Variants in CAST observed in about 807,000 individuals in gnomAD.
The protein encoded by CAST is calpastatin, also known as MIR583 host.
Under a neutral mutation model 119.6 loss-of-function variants are expected in CAST, and 76 were observed. That is an observed-to-expected ratio of 0.64 (90% CI 0.53 to 0.77). The LOEUF (loss-of-function observed/expected upper bound fraction) is 0.77, where lower values mean the gene tolerates loss of function less well. Among genes scored for constraint, CAST ranks in the 30% least tolerant of loss-of-function variants. The probability of loss-of-function intolerance (pLI) is 0.00; values close to 1 mark genes in which losing one functional copy is unlikely to be tolerated. For missense variants in CAST, 953 were observed against 946.5 expected (o/e 1.01, Z -0.09); for synonymous variants, 319 against 331.6 (o/e 0.96, Z 0.41).
chr5:96,002,111 T>G, the CAST span, among the ~76,000 whole-genome samples: 1 of 152,230 alleles, frequency 6.6e-6, no homozygotes, highest in Non-Finnish European at 1.5e-5. Context: ...TAATCTTTAT[T>G]TGGCAAATGT....
chr5:96,381,521 ACCT>A, the CAST span, among the ~76,000 whole-genome samples: 1 of 152,158 alleles, frequency 6.6e-6, no homozygotes. Flanking sequence ...GATTAGGATG[ACCT>A]CCTGATCTGA....
intron 2 of CAST, among the ~76,000 whole-genome samples, chr5:96,695,430 TTC>T (rs1753168491): frequency 6.6e-6 from 1 of 152,210 alleles, no homozygotes; most frequent in African/African-American, 2.4e-5. Context: ...ACTTTTTCTC[TTC>T]TCTTATTTCC....
chr5:96,478,581 AT>A, the CAST span, among the ~76,000 whole-genome samples: 1 of 152,222 alleles, frequency 6.6e-6, no homozygotes, highest in Non-Finnish European at 1.5e-5. Flanking sequence ...CTGTTGGTTA[AT>A]TATTTGGCTG....
chr5:95,984,350 A>G, the CAST span, among the ~76,000 whole-genome samples: 1 of 152,176 alleles, frequency 6.6e-6, no homozygotes, highest in Non-Finnish European at 1.5e-5. Context: ...CTTTTAGGTC[A>G]GTTAGTATTT....
chr5:95,981,489 C>T, the CAST span, among the ~76,000 whole-genome samples: 2 of 152,182 alleles, frequency 1.3e-5, no homozygotes, highest in African/African-American at 4.8e-5. Flanking sequence ...AATGCAGATT[C>T]TAATTTAGTA....
the CAST span, among the ~76,000 whole-genome samples, chr5:96,397,726 A>T: frequency 2.0e-5 from 3 of 152,208 alleles, no homozygotes; most frequent in African/African-American, 7.2e-5. Flanking sequence ...ATAATGAATG[A>T]ATGAATGAAA....
chr5:96,030,218 A>G, the CAST span, among the ~76,000 whole-genome samples: 1 of 152,332 alleles, frequency 6.6e-6, no homozygotes, highest in Admixed American at 6.5e-5. Flanking sequence ...AGAAATGTGA[A>G]ACCAACAGCC....
chr5:96,724,212 C>T (rs989537841), intron 4 of CAST, among the ~76,000 whole-genome samples: 9 of 151,438 alleles, frequency 5.9e-5, no homozygotes, highest in South Asian at 2.1e-4. Context: ...GGCAGGGTCT[C>T]GCTCTGTCTT....
the CAST span, among the ~76,000 whole-genome samples, chr5:96,020,874 A>G: frequency 8.5e-6 from 1 of 117,642 alleles, no homozygotes; most frequent in East Asian, 2.9e-4. Flanking sequence ...TCTTCCATGA[A>G]ACTGGTCCCT....
At chr5:96,095,907 A>G in the CAST span, among the ~76,000 whole-genome samples, 3 of 152,234 alleles carry the variant, frequency 2.0e-5, no homozygotes, top group Non-Finnish European at 2.9e-5. Context: ...TAACAGAAAA[A>G]AGCAGTTGTT....
the CAST span, chr5:95,970,094 C>T: frequency 6.6e-6 from 1 of 152,188 alleles, no homozygotes; most frequent in South Asian, 2.1e-4. Context: ...CTAGTGATAA[C>T]ATCACTCTAA....
the CAST span, among the ~76,000 whole-genome samples, chr5:96,027,304 T>A: frequency 6.6e-6 from 1 of 152,306 alleles, no homozygotes; most frequent in East Asian, 1.9e-4. Flanking sequence ...CAAATAGTTT[T>A]ATTTTTACAA....
chr5:96,752,550 ATAACCTCAGGGATTTTTTTTTTTTTT>A (rs1394689937), intron 20 of CAST, among the ~76,000 whole-genome samples: 9 of 57,998 alleles, frequency 1.6e-4, no homozygotes, highest in East Asian at 4.1e-4. Flanking sequence ...AACCTCAGGG[ATAACCTCAGGGATTTTTTTTTTTTTT>A]TTTTTTTTTT....
chr5:96,528,377 A>G (rs984260415), upstream of CAST, among the ~76,000 whole-genome samples: 1 of 152,222 alleles, frequency 6.6e-6, no homozygotes, highest in Non-Finnish European at 1.5e-5. Context: ...GCTCTGTCAT[A>G]GTCACCTCTC....
intron 1 of CAST, chr5:96,663,172 TA>T (rs1748812208): frequency 1.4e-6 from 1 of 702,612 alleles, no homozygotes; most frequent in Non-Finnish European, 2.6e-6. Flanking sequence ...AGACGGTAAA[TA>T]GGAGCGGTTG....
At chr5:96,210,014 T>G in the CAST span, 1 of 151,916 alleles carries the variant, frequency 6.6e-6, no homozygotes, top group Admixed American at 6.6e-5. Context: ...CTCAGAGGTT[T>G]TTTTTTTCAT....
rs375681721 is a variant in CAST, at chr5:96,765,207, T to C, written c.1933-14T>C. On this transcript the variant is annotated splice_polypyrimidine_tract_variant and intron_variant, in intron 25 of 31. Transcript: ENST00000675179. ...GGCTAATGAGTGACTAATTCAGCAT[T>C]ATTTACTTTTCAGCAGAGTGACAAA... 8 of 1,482,822 alleles carry C rather than the reference T, an allele frequency of 5.4e-6. No individual in the cohort carries two copies. In the African/African-American group the frequency reaches 1.1e-4, roughly 21 times the overall value. The allele number at this position is 1,482,822 out of a possible 1,614,324, so 91.9% of individuals were successfully genotyped here. A position where few individuals can be genotyped will look rare whatever the true frequency, so the allele number is the denominator to read the frequency against.
At position 96,647,815 on chromosome 5, in the gene CAST, C is replaced by T. The variant is rs547405211; in HGVS notation, c.61-27724C>T. Among the ~76,000 whole-genome samples, 129 of 152,230 alleles carry T rather than the reference C, an allele frequency of 8.5e-4. 1 individual carries two copies. The highest frequency in any genetic ancestry group is 2.8e-3 in the African/African-American group (116 of 41,524). On this transcript the variant is annotated intron_variant, in intron 1 of 11. Coordinates refer to the CAST transcript ENST00000505143. ...CCTGCGTGCACCTTGATTTTGGATT[C>T]GTAACCTCCAGAGCTGTGAGATAAT...
intron 1 of CAST, among the ~76,000 whole-genome samples, chr5:96,616,324 A>G (rs1246747257): frequency 6.6e-6 from 1 of 152,200 alleles, no homozygotes; most frequent in Non-Finnish European, 1.5e-5. Flanking sequence ...TCTGTAGGGC[A>G]GTGTCCTAAG....
Sources: allele counts gnomAD v4.1 joint callset (sites outside exome capture counted in the v4.1 genomes callset), GRCh38; gene constraint gnomAD v4.1.1; transcripts MANE v1.5; gene names NCBI Gene and HGNC (gene_info 2026-07-23, HGNC 2026-07-21).